The following ADAM22 variants were observed in gnomAD, a reference collection of about 807,000 sequenced individuals.
ADAM22 encodes the protein disintegrin and metalloproteinase domain-containing protein 22.
In ADAM22, 65 loss-of-function variants were observed where a neutral mutation model predicts 144.6. The observed-to-expected ratio is 0.45, with a 90% CI of 0.37 to 0.55. The LOEUF is 0.55. Among genes scored for constraint, ADAM22 ranks in the 20% least tolerant of loss-of-function variants. The probability of loss-of-function intolerance (pLI) is 0.00; values close to 1 mark genes in which losing one functional copy is unlikely to be tolerated. For missense variants in ADAM22, 974 were observed against 1,184.9 expected, an observed-to-expected ratio of 0.82 and a Z score of 2.61; for synonymous variants, 391 against 412.6, an observed-to-expected ratio of 0.95 and a Z score of 0.63.
At chr7:88,109,015 A>G (rs888675034) in intron 5 of ADAM22, among the ~76,000 whole-genome samples, 12 of 152,252 alleles carry the variant, frequency 7.9e-5, no homozygotes, top group African/African-American at 2.9e-4. Context: ...TAGCCCCTTG[A>G]TATTCTTCCC....
chr7:88,095,621 C>A (rs540462096), intron 4 of ADAM22, among the ~76,000 whole-genome samples: 16 of 152,126 alleles, frequency 1.1e-4, no homozygotes, highest in Non-Finnish European at 1.6e-4. Flanking sequence ...TTTAGAGCCA[C>A]GTCTGATCAG....
At chr7:88,183,246 T>G (rs1261288452) in intron 29 of ADAM22, among the ~76,000 whole-genome samples, 2 of 152,226 alleles carry the variant, frequency 1.3e-5, no homozygotes, top group Non-Finnish European at 2.9e-5. Flanking sequence ...TCATTGTTGA[T>G]AAACTCTTCT....
intron 2 of ADAM22, among the ~76,000 whole-genome samples, chr7:87,965,864 T>C (rs1161527444): frequency 6.6e-6 from 1 of 152,236 alleles, no homozygotes; most frequent in Non-Finnish European, 1.5e-5. Flanking sequence ...TAATTCTGTT[T>C]TTAAAATTAC....
intron 3 of ADAM22, among the ~76,000 whole-genome samples, chr7:88,011,087 C>G (rs752267647): frequency 3.3e-5 from 5 of 152,174 alleles, no homozygotes; most frequent in Admixed American, 6.5e-5. Context: ...ATTCAGGGCT[C>G]TGACCCATTT....
chr7:88,012,057 G>A (rs1323906860), intron 3 of ADAM22, among the ~76,000 whole-genome samples: 1 of 136,980 alleles, frequency 7.3e-6, no homozygotes, highest in Admixed American at 7.4e-5. Flanking sequence ...TTTTGTCCTT[G>A]CATTTTAATC....
intron 2 of ADAM22, chr7:87,964,750 G>A: frequency 2.9e-6 from 1 of 345,990 alleles, no homozygotes. Flanking sequence ...AACATGAATT[G>A]TGGATGGATT....
chr7:88,081,929 T>C (rs1309750863), intron 4 of ADAM22, among the ~76,000 whole-genome samples: 1 of 151,618 alleles, frequency 6.6e-6, no homozygotes, highest in Non-Finnish European at 1.5e-5. Flanking sequence ...AATTTATAGA[T>C]TCGATGCCAT....
At chr7:88,129,741 G>C (rs1305948898) in intron 9 of ADAM22, among the ~76,000 whole-genome samples, 1 of 152,110 alleles carries the variant, frequency 6.6e-6, no homozygotes, top group Non-Finnish European at 1.5e-5. Context: ...AATGAATGGT[G>C]CATGGCCTGT....
chr7:88,155,185 G>C (rs1839589498), intron 21 of ADAM22, among the ~76,000 whole-genome samples: 1 of 151,832 alleles, frequency 6.6e-6, no homozygotes. Flanking sequence ...AAAAACATCT[G>C]TATTCCAAAA....
At chr7:87,977,026 A>C (rs1044238248) in intron 2 of ADAM22, among the ~76,000 whole-genome samples, 3 of 152,038 alleles carry the variant, frequency 2.0e-5, no homozygotes, top group African/African-American at 4.8e-5. Flanking sequence ...AAGAAAACAG[A>C]TTTAGTTGGG....
At chr7:88,144,583 T>C (rs1237420269) in intron 15 of ADAM22, among the ~76,000 whole-genome samples, 1 of 152,134 alleles carries the variant, frequency 6.6e-6, no homozygotes, top group Non-Finnish European at 1.5e-5. Flanking sequence ...GAAGGAGATA[T>C]AGTAATAAAG....
chr7:88,046,353 C>G (rs1804690097), intron 3 of ADAM22, among the ~76,000 whole-genome samples: 1 of 152,084 alleles, frequency 6.6e-6, no homozygotes, highest in South Asian at 2.1e-4. Context: ...TACCTGTTGT[C>G]CATTTGTATA....
intron 2 of ADAM22, among the ~76,000 whole-genome samples, chr7:87,941,930 T>G (rs1454593724): frequency 6.6e-6 from 1 of 152,230 alleles, no homozygotes; most frequent in Non-Finnish European, 1.5e-5. Context: ...GTTCTCCTGT[T>G]GTTTTTAACA....
Position 88,186,598 on chromosome 7 carries a change from TC to T in ADAM22, c.2664-15del. ...ATCTTGTTCTGCTTTCTTTGTTCCTTCCATTGCTTTCTGCAGGTATTTAAAC... is the reference window on the plus strand; with the variant it reads ...ATCTTGTTCTGCTTTCTTTGTTCCTTCATTGCTTTCTGCAGGTATTTAAAC... On this transcript the variant is annotated splice_polypyrimidine_tract_variant and intron_variant, in intron 29 of 31. Coordinates refer to ENST00000413139, the MANE Select transcript of ADAM22 (RefSeq NM_001324418.2). The T allele has an allele frequency of 6.6e-7, 1 of 1,518,936 alleles. No homozygotes were observed. The highest frequency in any genetic ancestry group is 9.1e-7 in the Non-Finnish European group (1 of 1,093,472). 94.1% of individuals were successfully genotyped at this position (1,518,936 alleles called of 1,614,324 possible). A position where few individuals can be genotyped will look rare whatever the true frequency, so the allele number is the denominator to read the frequency against.
At chr7:88,080,982 C>G (rs559232280) in intron 4 of ADAM22, among the ~76,000 whole-genome samples, 1 of 152,324 alleles carries the variant, frequency 6.6e-6, no homozygotes, top group East Asian at 1.9e-4. Context: ...TCCTCCCTAA[C>G]TCATTTTATG....
intron 3 of ADAM22, among the ~76,000 whole-genome samples, chr7:88,015,714 C>T (rs769121335): frequency 6.6e-6 from 1 of 152,020 alleles, no homozygotes; most frequent in Non-Finnish European, 1.5e-5. Context: ...TCTTGGATGC[C>T]CTATGTTCCA....
In ADAM22 at chr7:88,163,218, A is replaced by G. The variant is rs559993070; in HGVS notation, c.2076+38A>G. On this transcript the variant is annotated intron_variant, in intron 23 of 31. Coordinates refer to ENST00000413139, the MANE Select transcript of ADAM22 (RefSeq NM_001324418.2). ...TACCTTGTCAGAATCTATTTCTTTT[A>G]TATCACAGAAATAGACAGGACCCTA... 13 of 1,520,770 alleles carry G rather than the reference A, an allele frequency of 8.5e-6. No homozygotes were observed. In the African/African-American group the frequency reaches 1.1e-4, roughly 13 times the overall value. The allele number at this position is 1,520,770 out of a possible 1,614,324, so 94.2% of individuals were successfully genotyped here.
intron 3 of ADAM22, among the ~76,000 whole-genome samples, chr7:88,069,049 T>A (rs1413895032): frequency 6.6e-6 from 1 of 152,002 alleles, no homozygotes; most frequent in East Asian, 1.9e-4. Context: ...GATTGGTGCC[T>A]TATTAAAGGG....
rs180867450 is a variant in ADAM22, at chr7:88,181,857, T to C, written c.2597-101T>C. Reference sequence around the variant, plus strand: ...GTGTGACAAACCCGGTGTTCCACAGTGGTGCTGCTTATCAATTATACCCAC... The same window carrying C: ...GTGTGACAAACCCGGTGTTCCACAGCGGTGCTGCTTATCAATTATACCCAC... On this transcript the variant is annotated intron_variant, in intron 28 of 31. Coordinates refer to ENST00000413139, the MANE Select transcript of ADAM22 (RefSeq NM_001324418.2). 9.4e-6 allele frequency: 10 copies of C among 1,060,174 alleles called. No homozygotes were observed. In the African/African-American group the frequency reaches 1.4e-4, roughly 15 times the overall value. The allele number at this position is 1,060,174 out of a possible 1,614,324, so 65.7% of individuals were successfully genotyped here.
Sources: allele counts gnomAD v4.1 joint callset (sites outside exome capture counted in the v4.1 genomes callset), GRCh38; gene constraint gnomAD v4.1.1; transcripts MANE v1.5; gene names NCBI Gene and HGNC (gene_info 2026-07-23, HGNC 2026-07-21).